Variants in GHR observed in about 807,000 individuals in gnomAD.
GHR encodes the protein GH receptor.
Under a neutral mutation model 67.1 loss-of-function variants are expected in GHR, and 35 were observed. That is an observed-to-expected ratio of 0.52 (90% confidence interval 0.40 to 0.69). GHR has a LOEUF of 0.69. GHR is among the 30% of genes least tolerant of loss of function. The pLI is 0.00. For synonymous variants in GHR, 272 were observed against 269.1 expected, an observed-to-expected ratio of 1.01 and a Z score of -0.10; for missense variants, 792 against 764.6, an observed-to-expected ratio of 1.04 and a Z score of -0.42.
At chr5:42,576,869 G>A (rs1057431545) in intron 2 of GHR, among the ~76,000 whole-genome samples, 12 of 152,168 alleles carry the variant, frequency 7.9e-5, no homozygotes, top group African/African-American at 2.9e-4. Context: ...GATGCTGGGA[G>A]TGATTTTCTT....
chr5:42,583,190 T>C (rs577792173), intron 2 of GHR, among the ~76,000 whole-genome samples: 1 of 152,362 alleles, frequency 6.6e-6, no homozygotes, highest in South Asian at 2.1e-4. Context: ...TGCTTGTTTG[T>C]TTGACTAAAC....
chr5:42,671,675 G>A (rs1156525109), intron 3 of GHR, among the ~76,000 whole-genome samples: 4 of 150,460 alleles, frequency 2.7e-5, no homozygotes, highest in East Asian at 3.9e-4. Context: ...GAAACTAGGC[G>A]GCCGGGCGCG....
chr5:42,543,456 G>T (rs1748603871), intron 1 of GHR, among the ~76,000 whole-genome samples: 1 of 152,106 alleles, frequency 6.6e-6, no homozygotes, highest in Admixed American at 6.6e-5. Flanking sequence ...TTTCATGTGT[G>T]CTCACACACA....
chr5:42,697,082 G>A (rs533138350), intron 5 of GHR, among the ~76,000 whole-genome samples: 1 of 152,308 alleles, frequency 6.6e-6, no homozygotes, highest in South Asian at 2.1e-4. Flanking sequence ...GCTACAACTA[G>A]CACAATAGTT....
At chr5:42,432,307 TATC>T (rs775648710) in intron 1 of GHR, among the ~76,000 whole-genome samples, 3 of 152,222 alleles carry the variant, frequency 2.0e-5, no homozygotes, top group African/African-American at 4.8e-5. Flanking sequence ...AGTAGAGTGT[TATC>T]ATTACAAAAC....
chr5:42,465,789 C>A, intron 1 of GHR: 2 of 799,464 alleles, frequency 2.5e-6, no homozygotes, highest in South Asian at 2.7e-5. Context: ...ATTTCACGTC[C>A]ACTGCCCTCT....
chr5:42,558,379 G>A (rs1162708018), intron 1 of GHR, among the ~76,000 whole-genome samples: 1 of 152,116 alleles, frequency 6.6e-6, no homozygotes, highest in Non-Finnish European at 1.5e-5. Context: ...CCCATAGTAA[G>A]CATTTAATGT....
chr5:42,515,767 A>G (rs1747210289), intron 1 of GHR, among the ~76,000 whole-genome samples: 1 of 152,210 alleles, frequency 6.6e-6, no homozygotes, highest in South Asian at 2.1e-4. Flanking sequence ...GGAAGAATAA[A>G]ATAGAGGTGT....
chr5:42,596,045 G>A (rs1259817810), intron 2 of GHR, among the ~76,000 whole-genome samples: 1 of 152,188 alleles, frequency 6.6e-6, no homozygotes, highest in Non-Finnish European at 1.5e-5. Flanking sequence ...TCAATTAGGA[G>A]AAAGTTCTGG....
chr5:42,527,421 A>G (rs780135891), intron 1 of GHR, among the ~76,000 whole-genome samples: 9 of 152,170 alleles, frequency 5.9e-5, no homozygotes, highest in Non-Finnish European at 1.2e-4. Flanking sequence ...TCCTAATTTC[A>G]GACAAACAGA....
chr5:42,635,309 G>C (rs1754123075), intron 3 of GHR, among the ~76,000 whole-genome samples: 1 of 152,068 alleles, frequency 6.6e-6, no homozygotes, highest in South Asian at 2.1e-4. Context: ...TGAAATAAGA[G>C]AAAGGCAGGT....
intron 4 of GHR, among the ~76,000 whole-genome samples, chr5:42,689,483 G>C (rs1757319829): frequency 6.6e-6 from 1 of 152,122 alleles, no homozygotes. Flanking sequence ...AGGCTTGAAT[G>C]ATGCTGAAAT....
intron 1 of GHR, among the ~76,000 whole-genome samples, chr5:42,469,987 G>A (rs1744925447): frequency 1.3e-5 from 2 of 150,526 alleles, no homozygotes; most frequent in Admixed American, 1.3e-4. Context: ...GGTAAGAGTG[G>A]GGAGAAATAT....
intron 1 of GHR, among the ~76,000 whole-genome samples, chr5:42,489,724 C>G (rs984175071): frequency 1.8e-4 from 28 of 152,240 alleles, no homozygotes; most frequent in African/African-American, 6.7e-4. Flanking sequence ...TTTTATTAGT[C>G]TGGATGTCTC....
chr5:42,543,852 C>T (rs985021982), intron 1 of GHR, among the ~76,000 whole-genome samples: 2 of 152,078 alleles, frequency 1.3e-5, no homozygotes, highest in African/African-American at 4.8e-5. Context: ...GTTGGAGCTT[C>T]TCAATCTGCC....
intron 1 of GHR, among the ~76,000 whole-genome samples, chr5:42,479,322 T>C (rs1260522713): frequency 3.3e-5 from 5 of 152,222 alleles, no homozygotes; most frequent in Admixed American, 3.3e-4. Flanking sequence ...TCAATGTTCA[T>C]CAAGGATATT....
intron 2 of GHR, among the ~76,000 whole-genome samples, chr5:42,595,600 A>G (rs1173635559): frequency 1.3e-5 from 2 of 152,146 alleles, no homozygotes; most frequent in African/African-American, 4.8e-5. Context: ...TTTGTTGTGT[A>G]TTTAATTGCC....
intron 4 of GHR, among the ~76,000 whole-genome samples, chr5:42,694,207 G>A (rs1757559970): frequency 6.6e-6 from 1 of 152,090 alleles, no homozygotes. Flanking sequence ...TTGTAATATG[G>A]TTTTTTACTC....
chr5:42,686,155 C>T (rs1163246238), intron 3 of GHR, among the ~76,000 whole-genome samples: 3 of 152,264 alleles, frequency 2.0e-5, no homozygotes, highest in Non-Finnish European at 2.9e-5. Flanking sequence ...CAGCTTTCTG[C>T]GTATGGCTAG....
Sources: gnomAD v4.1 joint callset for allele counts (sites outside exome capture counted in the v4.1 genomes callset) on GRCh38, gnomAD v4.1.1 for gene constraint, MANE v1.5 for transcripts, NCBI Gene and HGNC (gene_info 2026-07-23, HGNC 2026-07-21) for gene names.